The following SEPTIN9 variants were observed in gnomAD, a reference collection of about 807,000 sequenced individuals.
The protein encoded by SEPTIN9 is septin-9.
Under a neutral mutation model 56.6 loss-of-function variants are expected in SEPTIN9, and 13 were observed. The observed-to-expected ratio is 0.23, with a 90% CI of 0.15 to 0.37. The LOEUF (loss-of-function observed/expected upper bound fraction) is 0.37. Ranked by LOEUF, SEPTIN9 falls within the 10% of genes least tolerant of loss-of-function variation. SEPTIN9 has a pLI of 1.00. For synonymous variants in SEPTIN9, 332 were observed against 334.1 expected (o/e 0.99, Z 0.07); for missense variants, 650 against 823.1 (o/e 0.79, Z 2.57).
chr17:77,424,561 C>T (rs1276094540), intron 3 of SEPTIN9, among the ~76,000 whole-genome samples: 2 of 152,204 alleles, frequency 1.3e-5, no homozygotes. Flanking sequence ...TAGCATGAGG[C>T]TAAGCTCTTG....
chr17:77,413,091 T>C (rs913188174), intron 3 of SEPTIN9, among the ~76,000 whole-genome samples: 21 of 121,672 alleles, frequency 1.7e-4, no homozygotes, highest in African/African-American at 8.9e-4. Context: ...GTGGGGCGTG[T>C]GTGTGTGTGT....
At chr17:77,427,776 G>A (rs1237531293) in intron 3 of SEPTIN9, among the ~76,000 whole-genome samples, 1 of 152,198 alleles carries the variant, frequency 6.6e-6, no homozygotes, top group Non-Finnish European at 1.5e-5. Context: ...CATAGGGGCA[G>A]TCAGGCTGGA....
intron 1 of SEPTIN9, among the ~76,000 whole-genome samples, chr17:77,306,714 C>T (rs890448511): frequency 7.9e-5 from 12 of 152,050 alleles, no homozygotes; most frequent in African/African-American, 2.4e-4. Context: ...ATTCATAAGA[C>T]GGGTGGACAT....
intron 1 of SEPTIN9, among the ~76,000 whole-genome samples, chr17:77,299,142 C>T (rs142865214): frequency 1.5e-4 from 23 of 152,328 alleles, no homozygotes; most frequent in African/African-American, 2.6e-4. Flanking sequence ...CAAGGCCACA[C>T]GGCTCAGTGC....
At chr17:77,493,507 G>C (rs1438166594) in intron 10 of SEPTIN9, among the ~76,000 whole-genome samples, 1 of 152,160 alleles carries the variant, frequency 6.6e-6, no homozygotes, top group Non-Finnish European at 1.5e-5. Context: ...TTAGTCTCTT[G>C]AGTGGCTGTT....
intron 3 of SEPTIN9, among the ~76,000 whole-genome samples, chr17:77,448,801 A>T (rs543561125): frequency 1.3e-3 from 185 of 145,852 alleles, no homozygotes; most frequent in African/African-American, 4.3e-3. Context: ...TTTTTTTTTT[A>T]AATATGGGGT....
chr17:77,365,088 C>G (rs2034532443), intron 2 of SEPTIN9, among the ~76,000 whole-genome samples: 1 of 152,210 alleles, frequency 6.6e-6, no homozygotes, highest in South Asian at 2.1e-4. Context: ...TGTTGGTGAT[C>G]TTAGTCTCCT....
At chr17:77,409,904 T>C (rs2036233586) in intron 3 of SEPTIN9, among the ~76,000 whole-genome samples, 1 of 152,198 alleles carries the variant, frequency 6.6e-6, no homozygotes, top group African/African-American at 2.4e-5. Context: ...AGACCCTGGA[T>C]TCCAGCAGAC....
chr17:77,398,098 C>T (rs1028804360), intron 2 of SEPTIN9, among the ~76,000 whole-genome samples: 2 of 152,022 alleles, frequency 1.3e-5, no homozygotes, highest in Admixed American at 6.6e-5. Flanking sequence ...CTCAGCCTCT[C>T]GAGTAGCTGG....
At chr17:77,346,088 A>G (rs2033883344) in intron 2 of SEPTIN9, among the ~76,000 whole-genome samples, 1 of 151,230 alleles carries the variant, frequency 6.6e-6, no homozygotes, top group Non-Finnish European at 1.5e-5. Flanking sequence ...GTAGCTGGAG[A>G]TGCCCACCAT....
rs868293462 is a variant in SEPTIN9 at position 77,475,631 on chromosome 17, C to T, written c.722-6513C>T. The T allele has an allele frequency of 6.2e-7, 1 of 1,613,760 alleles. No individual in the cohort carries two copies. Among genetic ancestry groups the T allele is most frequent in the Non-Finnish European group, 8.5e-7 (1 of 1,179,856 alleles). ...GCAGAGGGAGGGCAGCTGGAGGCTG[C>T]TCCAGTGTGCATTGTTACGAGGCAA... On this transcript the variant is annotated intron_variant, in intron 3 of 11. Coordinates refer to ENST00000427177, the MANE Select transcript of SEPTIN9 (RefSeq NM_001113491.2). This position sits in a 1 kb window ranked among gnomAD's most constrained non-coding sequence, Gnocchi z 4.6.
intron 3 of SEPTIN9, among the ~76,000 whole-genome samples, chr17:77,404,922 A>G (rs1028633705): frequency 1.3e-5 from 2 of 152,228 alleles, no homozygotes; most frequent in Non-Finnish European, 2.9e-5. Flanking sequence ...AGGCATGGGC[A>G]GTTTGCAGAG....
At chr17:77,444,473 C>T (rs1207947612) in intron 3 of SEPTIN9, among the ~76,000 whole-genome samples, 2 of 136,740 alleles carry the variant, frequency 1.5e-5, no homozygotes, top group African/African-American at 5.5e-5. Context: ...GGCTGGGGGT[C>T]GGGGAGGGGG....
intron 2 of SEPTIN9, among the ~76,000 whole-genome samples, chr17:77,365,783 G>T (rs1323235652): frequency 6.6e-6 from 1 of 152,230 alleles, no homozygotes; most frequent in South Asian, 2.1e-4. Flanking sequence ...GCGGTCCACA[G>T]AGGGCCAGCA....
rs904080787 is a variant in SEPTIN9, at chr17:77,498,889, G to A, written c.*231G>A. On this transcript the variant is annotated 3_prime_UTR_variant, in exon 12 of 12. Transcript: ENST00000427177. ...GGCTGCACTGGAGCCACAGGCAGGG[G>A]TGAGAGCACCCACTGAATTGACATG... 6.7e-6 allele frequency: 4 copies of A among 596,144 alleles called. No individual in the cohort carries two copies. In the Admixed American group the frequency reaches 8.6e-5, roughly 13 times the overall value. The allele number at this position is 596,144 out of a possible 1,614,324, so 36.9% of individuals were successfully genotyped here. A position where few individuals can be genotyped will look rare whatever the true frequency, so the allele number is the denominator to read the frequency against.
chr17:77,423,670 G>A lies in SEPTIN9; in HGVS notation c.721+20967G>A, dbSNP rs571304595. ...TCCGCGCGGAGATCACGTGGCTTGC[G>A]CTGAGCAATCCTCCACTGCCCCCGT... On this transcript the variant is annotated intron_variant, in intron 3 of 11. Transcript: ENST00000427177. Among the ~76,000 whole-genome samples the A allele has an allele frequency of 2.2e-4, 33 of 152,348 alleles. No individual in the cohort carries two copies. In the East Asian group the frequency reaches 6.2e-3, roughly 29 times the overall value.
At chr17:77,419,488 C>T (rs1397256835) in intron 3 of SEPTIN9, among the ~76,000 whole-genome samples, 1 of 151,828 alleles carries the variant, frequency 6.6e-6, no homozygotes, top group African/African-American at 2.4e-5. Flanking sequence ...TCAGCAGCAG[C>T]CACCTCAGGG....
At chr17:77,380,601 G>T (rs2035107968) in intron 2 of SEPTIN9, among the ~76,000 whole-genome samples, 1 of 152,122 alleles carries the variant, frequency 6.6e-6, no homozygotes, top group African/African-American at 2.4e-5. Context: ...CTGTGCCTTG[G>T]ATGTGGGCGA....
At chr17:77,430,589 T>A (rs1220362196) in intron 3 of SEPTIN9, among the ~76,000 whole-genome samples, 2 of 152,210 alleles carry the variant, frequency 1.3e-5, no homozygotes, top group African/African-American at 4.8e-5. Context: ...AGCCAGATCC[T>A]AGCCACTTGG....
Sources: allele counts gnomAD v4.1 joint callset (sites outside exome capture counted in the v4.1 genomes callset), GRCh38; gene constraint gnomAD v4.1.1; non-coding constraint Gnocchi (gnomAD v3.1); transcripts MANE v1.5; gene names NCBI Gene and HGNC (gene_info 2026-07-23, HGNC 2026-07-21).